The following DIP2C variants were observed in gnomAD, a reference collection of about 807,000 sequenced individuals.
DIP2C encodes disco-interacting protein 2 homolog C.
In DIP2C, 33 loss-of-function variants were observed where a neutral mutation model predicts 192.4. The observed-to-expected ratio is 0.17, with a 90% confidence interval of 0.13 to 0.23. The LOEUF (loss-of-function observed/expected upper bound fraction) is 0.23. Among genes scored for constraint, DIP2C ranks in the 10% least tolerant of loss-of-function variants. DIP2C has a pLI of 1.00. For synonymous variants in DIP2C, 979 were observed against 864.1 expected (o/e 1.13, Z -2.33); for missense variants, 1,537 against 2,110.1 (o/e 0.73, Z 5.32).
At chr10:576,563 T>TC (rs1227309086) in intron 1 of DIP2C, among the ~76,000 whole-genome samples, 3 of 152,190 alleles carry the variant, frequency 2.0e-5, no homozygotes, top group African/African-American at 7.2e-5. Context: ...TGCTTTCTAC[T>TC]CCAATTTAAT....
intron 1 of DIP2C, among the ~76,000 whole-genome samples, chr10:570,791 G>A (rs1053547328): frequency 2.0e-5 from 3 of 152,242 alleles, no homozygotes; most frequent in Non-Finnish European, 2.9e-5. Flanking sequence ...CCGATTAACA[G>A]CAAATTCATT....
chr10:560,989 TGTCA>T (rs887867982), intron 1 of DIP2C, among the ~76,000 whole-genome samples: 20 of 152,190 alleles, frequency 1.3e-4, no homozygotes, highest in South Asian at 4.1e-4. Context: ...CTCAACCAAC[TGTCA>T]ATCAGGAAAT....
chr10:276,936 A>G lies in DIP2C; in HGVS notation c.*389T>C. On this transcript the variant is annotated 3_prime_UTR_variant, in exon 37 of 37. Coordinates refer to ENST00000280886, the MANE Select transcript of DIP2C (RefSeq NM_014974.3). Reference sequence around the variant, plus strand: ...AAAACAATTCTTTGTCACACTACATAAATTGTTTAAAAGAACCCATCTGGA... The same window carrying G: ...AAAACAATTCTTTGTCACACTACATGAATTGTTTAAAAGAACCCATCTGGA... 5.3e-6 allele frequency: 1 copy of G among 188,896 alleles called. No homozygotes were observed. The highest frequency in any genetic ancestry group is 1.4e-4 in the East Asian group (1 of 7,226). 11.7% of individuals were successfully genotyped at this position (188,896 alleles called of 1,614,324 possible).
chr10:283,745 C>A (rs529038759), intron 34 of DIP2C, among the ~76,000 whole-genome samples: 2 of 152,262 alleles, frequency 1.3e-5, no homozygotes, highest in Admixed American at 6.5e-5. Context: ...ATATACACAT[C>A]AAATGAACAA....
intron 9 of DIP2C, among the ~76,000 whole-genome samples, chr10:406,042 T>G (rs1362216654): frequency 6.6e-6 from 1 of 152,200 alleles, no homozygotes; most frequent in Non-Finnish European, 1.5e-5. Flanking sequence ...TTTACATATT[T>G]CATCAAACCG....
intron 3 of DIP2C, among the ~76,000 whole-genome samples, chr10:458,992 A>C (rs1969531884): frequency 2.0e-5 from 1 of 51,122 alleles, no homozygotes; most frequent in African/African-American, 8.0e-5. Context: ...CAACTTTTTC[A>C]AAAAAAAAAA....
chr10:558,330 G>C (rs1026052465), intron 1 of DIP2C, among the ~76,000 whole-genome samples: 2 of 152,194 alleles, frequency 1.3e-5, no homozygotes, highest in African/African-American at 4.8e-5. Context: ...CCCTGAACCA[G>C]GATGGGAGGA....
chr10:570,969 C>T (rs1588484303), intron 1 of DIP2C, among the ~76,000 whole-genome samples: 1 of 152,246 alleles, frequency 6.6e-6, no homozygotes, highest in Admixed American at 6.5e-5. Context: ...ACGACTCCCA[C>T]CGGAGCCCCG....
At chr10:494,489 G>C (rs1748541988) in intron 1 of DIP2C, among the ~76,000 whole-genome samples, 1 of 152,202 alleles carries the variant, frequency 6.6e-6, no homozygotes, top group African/African-American at 2.4e-5. Flanking sequence ...CAGCTGCATA[G>C]TAGCTACGGC....
chr10:548,631 G>C (rs951783435), intron 1 of DIP2C, among the ~76,000 whole-genome samples: 1 of 150,230 alleles, frequency 6.7e-6, no homozygotes, highest in Non-Finnish European at 1.5e-5. Flanking sequence ...TGGTGTGGTG[G>C]GGGGAGGAGA....
chr10:414,735 G>GTATA (rs1377828086), intron 7 of DIP2C, among the ~76,000 whole-genome samples: 20 of 53,060 alleles, frequency 3.8e-4, no homozygotes, highest in African/African-American at 1.1e-3. Flanking sequence ...GTGTGTGTGT[G>GTATA]TGTGTACATA....
intron 1 of DIP2C, among the ~76,000 whole-genome samples, chr10:515,350 C>A (rs530729026): frequency 6.6e-6 from 1 of 152,280 alleles, no homozygotes; most frequent in East Asian, 1.9e-4. Flanking sequence ...AGCTGAAGTA[C>A]ATCCCTCTCC....
At chr10:428,138 G>A (rs1270192432) in intron 4 of DIP2C, among the ~76,000 whole-genome samples, 1 of 152,078 alleles carries the variant, frequency 6.6e-6, no homozygotes, top group East Asian at 1.9e-4. Flanking sequence ...GTGTAGAGAA[G>A]CGTGGACATT....
chr10:508,764 A>G (rs1845806873), intron 1 of DIP2C, among the ~76,000 whole-genome samples: 1 of 152,214 alleles, frequency 6.6e-6, no homozygotes, highest in African/African-American at 2.4e-5. Flanking sequence ...CTTAAAGGCA[A>G]CTGTACCGCA....
chr10:333,916 C>A (rs1957619286), intron 29 of DIP2C, among the ~76,000 whole-genome samples: 1 of 152,152 alleles, frequency 6.6e-6, no homozygotes, highest in South Asian at 2.1e-4. Flanking sequence ...GGTATCTTTT[C>A]ACGTCCTTAT....
chr10:579,518 G>A (rs1374915847), intron 1 of DIP2C, among the ~76,000 whole-genome samples: 2 of 151,344 alleles, frequency 1.3e-5, no homozygotes, highest in African/African-American at 2.4e-5. Flanking sequence ...TACATGCAGA[G>A]AGCATACACA....
At chr10:463,875 C>T (rs190470521) in intron 3 of DIP2C, among the ~76,000 whole-genome samples, 119 of 152,212 alleles carry the variant, frequency 7.8e-4, no homozygotes, top group Non-Finnish European at 6.3e-4. Flanking sequence ...ACAAACCTGA[C>T]AAAAAGCAAG....
chr10:412,676 C>T (rs1279461893), intron 8 of DIP2C, among the ~76,000 whole-genome samples: 2 of 152,140 alleles, frequency 1.3e-5, no homozygotes, highest in South Asian at 2.1e-4. Flanking sequence ...CTCCCAGAGC[C>T]CCACCCTGAA....
chr10:277,912 G>T lies in DIP2C; in HGVS notation c.4419-335C>A, dbSNP rs578131602. Among the ~76,000 whole-genome samples, 7 of 152,324 alleles carry T rather than the reference G, an allele frequency of 4.6e-5. No homozygotes were observed. The South Asian group carries it at 1.5e-3, about 32-fold the overall frequency. On this transcript the variant is annotated intron_variant, in intron 36 of 36. Transcript: ENST00000280886. ...GCTGCCTCTTTGCTGCTGCCTGGAGGACCAATGCCCTCACTGAACAGTGCA... is the reference window on the plus strand; with the variant it reads ...GCTGCCTCTTTGCTGCTGCCTGGAGTACCAATGCCCTCACTGAACAGTGCA...
Sources: gnomAD v4.1 joint callset for allele counts (sites outside exome capture counted in the v4.1 genomes callset) on GRCh38, gnomAD v4.1.1 for gene constraint, MANE v1.5 for transcripts, NCBI Gene and HGNC (gene_info 2026-07-23, HGNC 2026-07-21) for gene names.